Variants in NT5C3A observed in about 807,000 individuals in gnomAD.
The protein encoded by NT5C3A is 5'-nucleotidase, cytosolic IIIA.
NT5C3A carries 23 observed loss-of-function variants against 40.0 expected under a neutral mutation model. The observed-to-expected ratio is 0.58, with a 90% CI of 0.41 to 0.81. NT5C3A has a LOEUF of 0.81. Ranked by LOEUF, NT5C3A falls within the 40% of genes least tolerant of loss-of-function variation. NT5C3A has a pLI of 0.00. For missense variants in NT5C3A, 328 were observed against 403.0 expected (o/e 0.81, Z 1.59); for synonymous variants, 130 against 141.4 (o/e 0.92, Z 0.57).
chr7:33,053,889 GAAC>G (rs1240268292), intron 1 of NT5C3A, among the ~76,000 whole-genome samples: 1 of 152,044 alleles, frequency 6.6e-6, no homozygotes, highest in East Asian at 1.9e-4. Flanking sequence ...CTAGATAAGA[GAAC>G]AACTTTGCAT....
At chr7:33,024,347 A>T (rs150584362) in intron 2 of NT5C3A, among the ~76,000 whole-genome samples, 2 of 152,232 alleles carry the variant, frequency 1.3e-5, no homozygotes, top group Non-Finnish European at 2.9e-5. Context: ...GTTTTCACCA[A>T]ATAAATCTGA....
intron 1 of NT5C3A, among the ~76,000 whole-genome samples, chr7:33,053,308 C>T (rs893386204): frequency 1.3e-5 from 2 of 152,086 alleles, no homozygotes; most frequent in Non-Finnish European, 2.9e-5. Flanking sequence ...CTGCCACAGC[C>T]TCCTGAGTAG....
intron 1 of NT5C3A, among the ~76,000 whole-genome samples, chr7:33,058,532 G>A (rs1328764692): frequency 6.6e-6 from 1 of 152,046 alleles, no homozygotes. Context: ...TTTATTTTTA[G>A]TAGGGACGGG....
At chr7:33,042,708 T>C (rs1786979698) in intron 1 of NT5C3A, among the ~76,000 whole-genome samples, 1 of 152,216 alleles carries the variant, frequency 6.6e-6, no homozygotes, top group African/African-American at 2.4e-5. Flanking sequence ...AATTTAGAAA[T>C]ACTATTAAAA....
intron 1 of NT5C3A, among the ~76,000 whole-genome samples, chr7:33,051,357 T>A (rs1787364262): frequency 6.6e-6 from 1 of 152,006 alleles, no homozygotes; most frequent in Non-Finnish European, 1.5e-5. Context: ...ATAGATGGGG[T>A]TTCACCATGT....
intron 7 of NT5C3A, among the ~76,000 whole-genome samples, chr7:33,016,583 T>G (rs553667253): frequency 6.6e-6 from 1 of 150,430 alleles, no homozygotes; most frequent in Non-Finnish European, 1.5e-5. Flanking sequence ...GTAGGGAGAA[T>G]TGCTTGAACC....
intron 1 of NT5C3A, among the ~76,000 whole-genome samples, chr7:33,036,774 A>T (rs1786627638): frequency 6.6e-6 from 1 of 151,708 alleles, no homozygotes; most frequent in Non-Finnish European, 1.5e-5. Flanking sequence ...TTTTCCTTCA[A>T]TTTTCTTACA....
chr7:33,062,145 T>C (rs541640725), intron 1 of NT5C3A, among the ~76,000 whole-genome samples: 1 of 151,942 alleles, frequency 6.6e-6, no homozygotes, highest in African/African-American at 2.4e-5. Context: ...GCAACTAGAT[T>C]AGCGGCAACG....
intron 1 of NT5C3A, among the ~76,000 whole-genome samples, chr7:33,055,601 T>C (rs1005372754): frequency 6.6e-6 from 1 of 152,174 alleles, no homozygotes; most frequent in Non-Finnish European, 1.5e-5. Context: ...GCCTGAAACA[T>C]GGACGCATTG....
At chr7:33,031,975 A>C (rs768655353) in intron 1 of NT5C3A, among the ~76,000 whole-genome samples, 11 of 141,088 alleles carry the variant, frequency 7.8e-5, no homozygotes, top group Non-Finnish European at 1.7e-4. Flanking sequence ...AAATACAAAA[A>C]TTAGCTGGGC....
chr7:33,052,342 G>T (rs1261456904), intron 1 of NT5C3A, among the ~76,000 whole-genome samples: 1 of 148,464 alleles, frequency 6.7e-6, no homozygotes, highest in Non-Finnish European at 1.5e-5. Flanking sequence ...AATTAGCCAG[G>T]CGTGGTAGCA....
chr7:33,042,471 G>T (rs1786969094), intron 1 of NT5C3A, among the ~76,000 whole-genome samples: 1 of 152,070 alleles, frequency 6.6e-6, no homozygotes, highest in Non-Finnish European at 1.5e-5. Context: ...CCTCTAAGAG[G>T]ACAGCCTATT....
At chr7:33,027,231 A>G (rs1487948688) in intron 1 of NT5C3A, among the ~76,000 whole-genome samples, 1 of 152,092 alleles carries the variant, frequency 6.6e-6, no homozygotes, top group Non-Finnish European at 1.5e-5. Flanking sequence ...TACCCAGCTA[A>G]TTTTTAAAAT....
At chr7:33,031,398 G>C (rs1428774958) in intron 1 of NT5C3A, among the ~76,000 whole-genome samples, 1 of 151,816 alleles carries the variant, frequency 6.6e-6, no homozygotes, top group Non-Finnish European at 1.5e-5. Context: ...GACCAGGCTG[G>C]GCAACGTGGC....
intron 1 of NT5C3A, among the ~76,000 whole-genome samples, chr7:33,035,346 ACCATG>A (rs1786538205): frequency 6.6e-6 from 1 of 151,846 alleles, no homozygotes; most frequent in Admixed American, 6.6e-5. Context: ...GGAGCTTGTT[ACCATG>A]CCCGGCTAAT....
chr7:33,041,136 T>G, intron 1 of NT5C3A: 1 of 985,148 alleles, frequency 1.0e-6, no homozygotes, highest in Non-Finnish European at 1.2e-6. Flanking sequence ...TCTGTACTAT[T>G]AGAACTGGCA....
intron 1 of NT5C3A, chr7:33,029,485 T>C (rs941737249): frequency 7.6e-5 from 30 of 397,262 alleles, no homozygotes; most frequent in Non-Finnish European, 1.3e-4. Flanking sequence ...ACCTCAGCCT[T>C]AACTGGCAGA....
At chr7:33,043,882 C>T (rs549865581) in intron 1 of NT5C3A, among the ~76,000 whole-genome samples, 1 of 152,174 alleles carries the variant, frequency 6.6e-6, no homozygotes, top group East Asian at 1.9e-4. Flanking sequence ...TGCGATGGCC[C>T]TTTACATACA....
In NT5C3A at chr7:33,048,097, G is replaced by C. The variant is rs563857856; in HGVS notation, c.138+14471C>G. Among the ~76,000 whole-genome samples the C allele has an allele frequency of 1.6e-4, 25 of 152,016 alleles. 1 individual carries two copies. The South Asian group carries it at 5.0e-3, about 30-fold the overall frequency. On this transcript the variant is annotated intron_variant, in intron 1 of 8. Coordinates refer to ENST00000610140, the MANE Select transcript of NT5C3A (RefSeq NM_001002010.5). Reference sequence around the variant, plus strand: ...AGGAAATGACATTTATGTTGCAATAGGTAGGTCAGGTCCAAGAAAACAGGA... The same window carrying C: ...AGGAAATGACATTTATGTTGCAATACGTAGGTCAGGTCCAAGAAAACAGGA...
Sources: gnomAD v4.1 joint callset for allele counts (sites outside exome capture counted in the v4.1 genomes callset) on GRCh38, gnomAD v4.1.1 for gene constraint, MANE v1.5 for transcripts, NCBI Gene and HGNC (gene_info 2026-07-23, HGNC 2026-07-21) for gene names.